PARD3B: variants seen among roughly 807,000 people sequenced by gnomAD.
The protein encoded by PARD3B is par-3 family cell polarity regulator beta.
In PARD3B, 103 loss-of-function variants were observed where a neutral mutation model predicts 130.2. The ratio of observed to expected loss-of-function variants is 0.79; its 90% CI spans 0.67 to 0.93. The LOEUF (loss-of-function observed/expected upper bound fraction) is 0.93, where lower values mean the gene tolerates loss of function less well. Ranked by LOEUF, PARD3B falls within the 40% of genes least tolerant of loss-of-function variation. The pLI is 0.00. For synonymous variants in PARD3B, 583 were observed against 553.2 expected, an observed-to-expected ratio of 1.05 and a Z score of -0.76; for missense variants, 1,609 against 1,499.2, an observed-to-expected ratio of 1.07 and a Z score of -1.21.
intron 14 of PARD3B, among the ~76,000 whole-genome samples, chr2:205,188,971 T>C (rs2036249213): frequency 6.6e-6 from 1 of 152,162 alleles, no homozygotes. Flanking sequence ...TATGCAATGA[T>C]TATTACAGAA....
chr2:205,527,758 G>C (rs2051402889), intron 21 of PARD3B, among the ~76,000 whole-genome samples: 1 of 152,134 alleles, frequency 6.6e-6, no homozygotes, highest in African/African-American at 2.4e-5. Flanking sequence ...ATAAATGCTT[G>C]TTGAATTGGG....
intron 15 of PARD3B, among the ~76,000 whole-genome samples, chr2:205,231,157 A>G (rs1300080086): frequency 6.6e-6 from 1 of 151,974 alleles, no homozygotes; most frequent in Non-Finnish European, 1.5e-5. Flanking sequence ...TCATGTGTCT[A>G]GTAGTTCAAT....
chr2:205,082,548 G>A lies in PARD3B; in HGVS notation c.505-21878G>A, dbSNP rs148169556. ...TGATAACGCAGAAAGCAAAACTGCA[G>A]ATAAGAGGACACTACTGTAATTTAT... On this transcript the variant is annotated intron_variant, in intron 4 of 22. Coordinates refer to ENST00000406610, the MANE Select transcript of PARD3B (RefSeq NM_001302769.2). Among the ~76,000 whole-genome samples the A allele has an allele frequency of 4.9e-4, 74 of 152,254 alleles. 1 individual carries two copies. Among genetic ancestry groups the A allele is most frequent in the African/African-American group, 1.5e-3 (64 of 41,558 alleles).
intron 8 of PARD3B, 138 bp from the exon 9 acceptor site, chr2:205,124,189 G>A (rs2031100405): frequency 9.6e-6 from 7 of 727,212 alleles, no homozygotes; most frequent in Non-Finnish European, 1.2e-5. Flanking sequence ...AATAACTGAA[G>A]CATATTTAAA....
intron 21 of PARD3B, among the ~76,000 whole-genome samples, chr2:205,527,023 TGA>T (rs1310666592): frequency 6.6e-6 from 1 of 152,166 alleles, no homozygotes; most frequent in Middle Eastern, 3.2e-3. Context: ...AGAAGTCAAA[TGA>T]GAGGTTTGCA....
intron 18 of PARD3B, among the ~76,000 whole-genome samples, chr2:205,338,219 T>TTGTA (rs1321488756): frequency 6.7e-6 from 1 of 148,874 alleles, no homozygotes; most frequent in Non-Finnish European, 1.5e-5. Context: ...TGGGGAAAGA[T>TTGTA]TGTAGCATCC....
At position 205,239,025 on chromosome 2, in the gene PARD3B, G is replaced by A. The variant is rs142576631; in HGVS notation, c.2141-6753G>A. On this transcript the variant is annotated intron_variant, in intron 15 of 22. Transcript: ENST00000406610. ...TGAAAGGCTATCATAATCTATTTGT[G>A]AACACCTACTTCTGTTAGGTTTCAT... Among the ~76,000 whole-genome samples the A allele has an allele frequency of 4.0e-5, 6 of 150,208 alleles. No homozygotes were observed. In the East Asian group the frequency reaches 1.2e-3, roughly 29 times the overall value.
chr2:204,560,247 G>A (rs138524907), intron 1 of PARD3B, among the ~76,000 whole-genome samples: 19 of 152,304 alleles, frequency 1.2e-4, no homozygotes, highest in African/African-American at 3.9e-4. Context: ...AGGGGATCCT[G>A]TGTGATGATT....
chr2:204,631,791 G>C (rs541473615), intron 1 of PARD3B, among the ~76,000 whole-genome samples: 1 of 152,276 alleles, frequency 6.6e-6, no homozygotes, highest in East Asian at 1.9e-4. Context: ...ATGTAAGGCA[G>C]ATCTGGTGGT....
intron 15 of PARD3B, among the ~76,000 whole-genome samples, chr2:205,232,342 C>T (rs1180484342): frequency 6.6e-6 from 1 of 152,090 alleles, no homozygotes; most frequent in Non-Finnish European, 1.5e-5. Flanking sequence ...GTCCTAGCTA[C>T]TTGGGAGGCT....
rs559112660 is a variant in PARD3B at position 205,133,717 on chromosome 2, T to C, written c.1434+7980T>C. ...CCTTTTTGGCTATGTGCCCCTCATT[T>C]TGGCAAAGGGCCAGTGCTGAGTGCA... On this transcript the variant is annotated intron_variant, in intron 10 of 22. Coordinates refer to ENST00000406610, the MANE Select transcript of PARD3B (RefSeq NM_001302769.2). Among the ~76,000 whole-genome samples, 95 of 152,306 alleles carry C rather than the reference T, an allele frequency of 6.2e-4. No individual in the cohort carries two copies. In the South Asian group the frequency reaches 0.019, roughly 31 times the overall value.
At chr2:204,839,741 A>G (rs1436466164) in intron 2 of PARD3B, among the ~76,000 whole-genome samples, 1 of 152,096 alleles carries the variant, frequency 6.6e-6, no homozygotes, top group African/African-American at 2.4e-5. Context: ...ACATCATCTT[A>G]TGAACTGGCA....
chr2:204,722,590 C>A (rs1471827115), intron 2 of PARD3B, among the ~76,000 whole-genome samples: 1 of 152,102 alleles, frequency 6.6e-6, no homozygotes, highest in Admixed American at 6.6e-5. Context: ...AGAAGAGATA[C>A]GAGGCTTTAG....
At chr2:204,832,428 A>C (rs16836655) in intron 2 of PARD3B, among the ~76,000 whole-genome samples, 12,643 of 152,204 alleles carry the variant, frequency 0.083, 656 homozygotes, top group African/African-American at 0.14. Context: ...GGAACATTGA[A>C]TCATCGCATG....
At chr2:204,796,616 GA>G (rs1043814904) in intron 2 of PARD3B, among the ~76,000 whole-genome samples, 2 of 152,184 alleles carry the variant, frequency 1.3e-5, no homozygotes, top group African/African-American at 4.8e-5. Context: ...CAGACATGCA[GA>G]ATGAGCATCA....
intron 4 of PARD3B, among the ~76,000 whole-genome samples, chr2:205,075,796 C>T (rs1320964692): frequency 2.0e-5 from 3 of 151,322 alleles, no homozygotes; most frequent in Admixed American, 1.3e-4. Context: ...AAACTTTTTT[C>T]ATAAACACAT....
In PARD3B at chr2:205,301,741, G is replaced by GAGAACCTGGTAAACCTC; in HGVS notation, c.2630+40_2630+41insAGAACCTGGTAAACCTC. 1 of 1,613,904 alleles carries GAGAACCTGGTAAACCTC rather than the reference G, an allele frequency of 6.2e-7. No individual in the cohort carries two copies. The highest frequency in any genetic ancestry group is 8.5e-7 in the Non-Finnish European group (1 of 1,179,864). On this transcript the variant is annotated intron_variant, in intron 18 of 22. Coordinates refer to ENST00000406610, the MANE Select transcript of PARD3B (RefSeq NM_001302769.2). The surrounding 1 kb of genome is among the most constrained non-coding windows in gnomAD (Gnocchi z 5.2). ...TGAAGGCAAAGTTGGTTCTCATTTT[G>GAGAACCTGGTAAACCTC]TCTCTCCTGGTAAAATCACTCCTTT... is the stretch of plus-strand genomic sequence containing the variant.
chr2:205,452,155 T>C (rs1221916597), intron 20 of PARD3B, among the ~76,000 whole-genome samples: 1 of 152,190 alleles, frequency 6.6e-6, no homozygotes, highest in Non-Finnish European at 1.5e-5. Context: ...ACTGGGGCAA[T>C]GTAGGATAGT....
chr2:205,147,859 T>C (rs1253467286), intron 10 of PARD3B, among the ~76,000 whole-genome samples: 1 of 152,160 alleles, frequency 6.6e-6, no homozygotes, highest in African/African-American at 2.4e-5. Context: ...TATTGCAACG[T>C]TAACTTACAT....
Sources: gnomAD v4.1 joint callset for allele counts (sites outside exome capture counted in the v4.1 genomes callset) on GRCh38, gnomAD v4.1.1 for gene constraint, Gnocchi (gnomAD v3.1) non-coding constraint, MANE v1.5 for transcripts, NCBI Gene and HGNC (gene_info 2026-07-23, HGNC 2026-07-21) for gene names.